NALF1: variants seen among roughly 807,000 people sequenced by gnomAD.
NALF1 encodes NALCN channel auxiliary factor 1, also known as family with sequence similarity 155 member A.
A neutral mutation model predicts 48.4 loss-of-function variants in NALF1; 3 were observed. That is an observed-to-expected ratio of 0.06 (90% confidence interval 0.03 to 0.16). The LOEUF (loss-of-function observed/expected upper bound fraction) is 0.16, where lower values mean the gene tolerates loss of function less well. Among genes scored for constraint, NALF1 ranks in the 10% least tolerant of loss-of-function variants. The probability of loss-of-function intolerance (pLI) is 1.00; values close to 1 mark genes in which losing one functional copy is unlikely to be tolerated. For synonymous variants in NALF1, 262 were observed against 245.7 expected (o/e 1.07, Z -0.62); for missense variants, 526 against 571.5 (o/e 0.92, Z 0.81).
chr13:107,232,041 T>C (rs76476859), intron 1 of NALF1, among the ~76,000 whole-genome samples: 9,828 of 152,316 alleles, frequency 0.065, 435 homozygotes, highest in South Asian at 0.1. Context: ...AAGCAAGCCT[T>C]GATCAAGCAC....
intron 1 of NALF1, among the ~76,000 whole-genome samples, chr13:107,824,096 G>A (rs1488845402): frequency 6.6e-6 from 1 of 151,908 alleles, no homozygotes; most frequent in Non-Finnish European, 1.5e-5. Flanking sequence ...TTCAATAAAT[G>A]TTTGTTGAAT....
intron 1 of NALF1, among the ~76,000 whole-genome samples, chr13:107,421,591 T>C (rs1884189468): frequency 6.6e-6 from 1 of 152,046 alleles, no homozygotes; most frequent in Non-Finnish European, 1.5e-5. Flanking sequence ...ACCCTGACAG[T>C]TATCACAACA....
chr13:107,469,922 T>C (rs906527272), intron 1 of NALF1, among the ~76,000 whole-genome samples: 2 of 151,714 alleles, frequency 1.3e-5, no homozygotes, highest in African/African-American at 4.8e-5. Flanking sequence ...TTTTTGTATT[T>C]TTAGTAGAGA....
Position 107,866,355 on chromosome 13 carries a change from TGCTGCTGCTGCC to T in NALF1, c.230_241del (p.Arg77_Gln80del), listed in dbSNP as rs778594698. ...CCGCTGCCTCTGCTGCTGCTGCTGC[TGCTGCTGCTGCC>T]GCTGCTGCTGCTGGTGCTCCTTGTC... On this transcript the variant is annotated inframe_deletion, in exon 1 of 3. Coordinates refer to ENST00000375915, the MANE Select transcript of NALF1 (RefSeq NM_001080396.3). The surrounding 1 kb of genome is among the most constrained non-coding windows in gnomAD (Gnocchi z 4.4). The T allele has an allele frequency of 9.3e-6, 15 of 1,610,712 alleles. No homozygotes were observed. Among genetic ancestry groups the T allele is most frequent in the Non-Finnish European group, 1.3e-5 (15 of 1,179,254 alleles).
chr13:107,269,913 ATTTTTTTTTT>A (rs71121514), intron 1 of NALF1, among the ~76,000 whole-genome samples: 25 of 89,050 alleles, frequency 2.8e-4, no homozygotes, highest in South Asian at 3.9e-4. Flanking sequence ...CGCCCGGCTA[ATTTTTTTTTT>A]TTTTTTTTTT....
intron 1 of NALF1, among the ~76,000 whole-genome samples, chr13:107,821,439 G>A (rs1291976130): frequency 1.3e-5 from 2 of 152,210 alleles, no homozygotes; most frequent in Admixed American, 6.5e-5. Flanking sequence ...CTAAGGCCAT[G>A]TCGAGATTAC....
intron 1 of NALF1, among the ~76,000 whole-genome samples, chr13:107,785,446 A>G (rs926946971): frequency 5.9e-5 from 9 of 152,218 alleles, no homozygotes; most frequent in Non-Finnish European, 1.3e-4. Flanking sequence ...GAAGTAACTC[A>G]GGTATGGAAA....
chr13:107,258,980 A>T (rs907409031), intron 1 of NALF1, among the ~76,000 whole-genome samples: 3 of 152,268 alleles, frequency 2.0e-5, no homozygotes, highest in Non-Finnish European at 4.4e-5. Context: ...GTATTTCTTT[A>T]TAGCAATGGG....
chr13:107,856,601 C>A (rs1285854733), intron 1 of NALF1, among the ~76,000 whole-genome samples: 1 of 152,012 alleles, frequency 6.6e-6, no homozygotes, highest in African/African-American at 2.4e-5. Flanking sequence ...TTGAAATTGG[C>A]AAGCTTTCCT....
chr13:107,217,778 T>C (rs1879905833), intron 1 of NALF1, among the ~76,000 whole-genome samples: 1 of 152,290 alleles, frequency 6.6e-6, no homozygotes, highest in South Asian at 2.1e-4. Flanking sequence ...CTGACACCAG[T>C]GCTGCTCGCG....
chr13:107,796,621 G>C (rs563618532), intron 1 of NALF1, among the ~76,000 whole-genome samples: 1 of 151,974 alleles, frequency 6.6e-6, no homozygotes, highest in South Asian at 2.1e-4. Flanking sequence ...CCTTTGTGTC[G>C]TTCCCCTTCC....
At chr13:107,786,057 TTTTAGAAGAGCAAAGGTTTTG>T (rs1344770054) in intron 1 of NALF1, among the ~76,000 whole-genome samples, 8 of 152,124 alleles carry the variant, frequency 5.3e-5, no homozygotes, top group Non-Finnish European at 1.0e-4. Flanking sequence ...AGACAGTTTC[TTTTAGAAGAGCAAAGGTTTTG>T]TTGAGGACTT....
chr13:107,484,931 A>G (rs1885304449), intron 1 of NALF1, among the ~76,000 whole-genome samples: 2 of 152,100 alleles, frequency 1.3e-5, no homozygotes, highest in Non-Finnish European at 2.9e-5. Flanking sequence ...CCTTTTGCAG[A>G]GTATTTGTCT....
chr13:107,704,985 A>G (rs1881912534), intron 1 of NALF1, among the ~76,000 whole-genome samples: 1 of 152,186 alleles, frequency 6.6e-6, no homozygotes, highest in Non-Finnish European at 1.5e-5. Context: ...ACTTATGGAA[A>G]TATGTTCTTC....
chr13:107,620,907 A>G (rs1879501426), intron 1 of NALF1, among the ~76,000 whole-genome samples: 1 of 152,158 alleles, frequency 6.6e-6, no homozygotes, highest in Non-Finnish European at 1.5e-5. Flanking sequence ...AACTTTGACA[A>G]AATGTGTTTG....
At chr13:107,543,580 A>G (rs1042313572) in intron 1 of NALF1, among the ~76,000 whole-genome samples, 2 of 152,138 alleles carry the variant, frequency 1.3e-5, no homozygotes, top group Non-Finnish European at 2.9e-5. Flanking sequence ...TATTCTGTCA[A>G]TAAAGTATCT....
chr13:107,709,257 T>C (rs2138517651), intron 1 of NALF1, among the ~76,000 whole-genome samples: 1 of 152,296 alleles, frequency 6.6e-6, no homozygotes, highest in African/African-American at 2.4e-5. Context: ...AATATACTTG[T>C]GTGTATTATA....
intron 1 of NALF1, among the ~76,000 whole-genome samples, chr13:107,795,763 C>T (rs749891258): frequency 9.9e-5 from 15 of 152,102 alleles, no homozygotes; most frequent in Non-Finnish European, 2.2e-4. Flanking sequence ...GTTTAACATA[C>T]GTTTCCATTA....
intron 1 of NALF1, among the ~76,000 whole-genome samples, chr13:107,569,884 C>G (rs1332395755): frequency 6.6e-6 from 1 of 152,094 alleles, no homozygotes; most frequent in Non-Finnish European, 1.5e-5. Context: ...CATGATATAT[C>G]TAATTGTTTA....
Sources: gnomAD v4.1 joint callset for allele counts (sites outside exome capture counted in the v4.1 genomes callset) on GRCh38, gnomAD v4.1.1 for gene constraint, Gnocchi (gnomAD v3.1) non-coding constraint, MANE v1.5 for transcripts, NCBI Gene and HGNC (gene_info 2026-07-23, HGNC 2026-07-21) for gene names.